CLIC5: variants seen among roughly 807,000 people sequenced by gnomAD.
CLIC5 encodes the protein chloride intracellular channel protein 5.
CLIC5 carries 20 observed loss-of-function variants against 24.7 expected under a neutral mutation model. That is an observed-to-expected ratio of 0.81 (90% confidence interval 0.57 to 1.18). The LOEUF (loss-of-function observed/expected upper bound fraction) is 1.18. Ranked by LOEUF, CLIC5 falls within the 50% of genes most tolerant of loss-of-function variation. The probability of loss-of-function intolerance (pLI) is 0.00; values close to 1 mark genes in which losing one functional copy is unlikely to be tolerated. For missense variants in CLIC5, 341 were observed against 326.1 expected (o/e 1.05, Z -0.35); for synonymous variants, 159 against 135.6 (o/e 1.17, Z -1.20).
chr6:45,940,363 A>G (rs554527558), intron 4 of CLIC5, among the ~76,000 whole-genome samples: 2 of 152,304 alleles, frequency 1.3e-5, no homozygotes, highest in East Asian at 3.9e-4. Context: ...AAGACTGAGG[A>G]AGTGTTTGTT....
At chr6:45,983,480 G>C (rs985070759) in intron 1 of CLIC5, among the ~76,000 whole-genome samples, 18 of 152,268 alleles carry the variant, frequency 1.2e-4, no homozygotes, top group Admixed American at 2.6e-4. Flanking sequence ...ACAATCGGTT[G>C]GAAGAGCGAT....
intron 1 of CLIC5, among the ~76,000 whole-genome samples, chr6:45,979,514 C>T (rs1765497074): frequency 6.6e-6 from 1 of 152,238 alleles, no homozygotes; most frequent in South Asian, 2.1e-4. Flanking sequence ...TCCACCCACT[C>T]TTCCAGCCTT....
At chr6:45,974,686 C>T (rs1765329180) in intron 1 of CLIC5, among the ~76,000 whole-genome samples, 1 of 151,604 alleles carries the variant, frequency 6.6e-6, no homozygotes, top group African/African-American at 2.4e-5. Flanking sequence ...TTCATATTTT[C>T]TTTATGTGGT....
intron 6 of CLIC5, among the ~76,000 whole-genome samples, chr6:45,883,554 A>T (rs1189704141): frequency 6.6e-6 from 1 of 152,208 alleles, no homozygotes; most frequent in Non-Finnish European, 1.5e-5. Context: ...TCTATTGTTC[A>T]ATCAAGGCAC....
chr6:46,065,687 A>T (rs1762422188), intron 1 of CLIC5, among the ~76,000 whole-genome samples: 1 of 152,238 alleles, frequency 6.6e-6, no homozygotes, highest in South Asian at 2.1e-4. Context: ...GTTTAAGCCT[A>T]TTTATACAAT....
At chr6:46,036,379 C>A (rs1027304070) in intron 1 of CLIC5, among the ~76,000 whole-genome samples, 1 of 142,690 alleles carries the variant, frequency 7.0e-6, no homozygotes, top group African/African-American at 2.6e-5. Context: ...GGCGCGGTCT[C>A]GGTTCACTGC....
At chr6:46,105,176 C>T in the CLIC5 span, among the ~76,000 whole-genome samples, 2 of 152,104 alleles carry the variant, frequency 1.3e-5, no homozygotes, top group Non-Finnish European at 2.9e-5. Context: ...GCTAATAAAA[C>T]TCCTTTCTTT....
At chr6:45,987,514 A>T (rs149894592) in intron 1 of CLIC5, among the ~76,000 whole-genome samples, 1 of 152,246 alleles carries the variant, frequency 6.6e-6, no homozygotes, top group Admixed American at 6.5e-5. Context: ...TCGTTGTTAT[A>T]ATCACAACAC....
Position 45,914,296 on chromosome 6 carries a change from T to G in CLIC5, c.520A>C (p.Lys174Gln). 1 of 1,608,514 alleles carries G rather than the reference T, an allele frequency of 6.2e-7. No homozygotes were observed. The highest frequency in any genetic ancestry group is 8.5e-7 in the Non-Finnish European group (1 of 1,176,280). Reference protein sequence around the residue: ...TCGEDKGSRRKFLDGDELTLA... With the variant: ...TCGEDKGSRRQFLDGDELTLA... ...GTCAGCTCATCCCCATCCAGGAACT[T>G]GCGCCGGGACCCCTTGTCTTCCCCA... is the stretch of plus-strand genomic sequence containing the variant. The change falls in exon 5 of 6, where the codon AAG becomes CAG. Residue 174 changes from lysine (K) to glutamine (Q), a missense_variant. Physicochemically the swap from Lys to Gln is moderately conservative, Grantham distance 53. Coordinates refer to ENST00000339561, the MANE Select transcript of CLIC5 (RefSeq NM_016929.5).
rs181143090 is a variant in CLIC5 at position 45,915,481 on chromosome 6, C to A, written c.407-1072G>T. Among the ~76,000 whole-genome samples the A allele has an allele frequency of 3.9e-5, 6 of 152,196 alleles. No individual in the cohort carries two copies. The East Asian group carries it at 9.7e-4, about 25-fold the overall frequency. ...AATAGAACAGCCCTTTTTGATGTCA[C>A]CCCCAGAGAAGTGATGGGTACCAGG... On this transcript the variant is annotated intron_variant, in intron 4 of 5. Coordinates refer to ENST00000339561, the MANE Select transcript of CLIC5 (RefSeq NM_016929.5).
intron 1 of CLIC5, among the ~76,000 whole-genome samples, chr6:45,981,220 C>T (rs1765559725): frequency 6.6e-6 from 1 of 152,074 alleles, no homozygotes; most frequent in African/African-American, 2.4e-5. Context: ...CCACCCACCT[C>T]AGCCTCCCAA....
At chr6:46,023,135 C>T (rs552318833) in intron 1 of CLIC5, among the ~76,000 whole-genome samples, 36 of 152,182 alleles carry the variant, frequency 2.4e-4, no homozygotes, top group Admixed American at 3.9e-4. Context: ...GGATTTTGAC[C>T]TTCCACCAGT....
rs540282131 is a variant in CLIC5, at chr6:46,002,242, T to A, written c.63+13238A>T. 3.7e-3 allele frequency among the ~76,000 whole-genome samples: 450 copies of A among 122,926 alleles called. 1 individual carries two copies. The highest frequency in any genetic ancestry group is 0.011 in the African/African-American group (397 of 35,380). The allele number at this position is 122,926 out of a possible 152,430, so 80.6% of individuals were successfully genotyped here. ...TAGTGCCTAGTGAATAGTCTGTAAT[T>A]TTTTTTGTTGTTGTTGTTGTTGGAC... On this transcript the variant is annotated intron_variant, in intron 1 of 5. Transcript: ENST00000339561.
intron 1 of CLIC5, among the ~76,000 whole-genome samples, chr6:46,054,980 C>T (rs2127467177): frequency 6.6e-6 from 1 of 152,288 alleles, no homozygotes; most frequent in Middle Eastern, 3.4e-3. Context: ...TTTGCTATTA[C>T]CATTTGGGCC....
At chr6:46,015,128 G>A (rs190825047) in intron 1 of CLIC5, among the ~76,000 whole-genome samples, 1 of 152,230 alleles carries the variant, frequency 6.6e-6, no homozygotes, top group Non-Finnish European at 1.5e-5. Context: ...CACGGGTCCA[G>A]CCAGGTTTCT....
intron 1 of CLIC5, among the ~76,000 whole-genome samples, chr6:46,007,815 A>G (rs1766640974): frequency 6.6e-6 from 1 of 151,912 alleles, no homozygotes; most frequent in Non-Finnish European, 1.5e-5. Flanking sequence ...GAAAAAAAAA[A>G]CTTACCCTTA....
chr6:46,089,349 A>G, the CLIC5 span, among the ~76,000 whole-genome samples: 1 of 152,096 alleles, frequency 6.6e-6, no homozygotes, highest in Non-Finnish European at 1.5e-5. Flanking sequence ...CTTGGGCACA[A>G]TCATCTAAAT....
At chr6:46,001,620 CACCTGGT>C (rs941110414) in intron 1 of CLIC5, among the ~76,000 whole-genome samples, 3 of 152,194 alleles carry the variant, frequency 2.0e-5, no homozygotes, top group African/African-American at 7.2e-5. Flanking sequence ...CAGGGCCTGG[CACCTGGT>C]AGGCTTCAGT....
At chr6:46,078,314 C>A (rs147766271) in intron 1 of CLIC5, among the ~76,000 whole-genome samples, 1 of 152,064 alleles carries the variant, frequency 6.6e-6, no homozygotes, top group African/African-American at 2.4e-5. Flanking sequence ...GAGCTGAGAT[C>A]ATGCCATTGC....
Sources: gnomAD v4.1 joint callset for allele counts (sites outside exome capture counted in the v4.1 genomes callset) on GRCh38, gnomAD v4.1.1 for gene constraint, MANE v1.5 for transcripts, NCBI Gene and HGNC (gene_info 2026-07-23, HGNC 2026-07-21) for gene names.